SCEL: variants seen among roughly 807,000 people sequenced by gnomAD.
SCEL encodes the protein sciellin.
Under a neutral mutation model 117.6 loss-of-function variants are expected in SCEL, and 113 were observed. That is an observed-to-expected ratio of 0.96 (90% CI 0.83 to 1.12). The LOEUF is 1.12. Among genes scored for constraint, SCEL ranks in the 50% most tolerant of loss-of-function variants. SCEL has a pLI of 0.00. For synonymous variants in SCEL, 270 were observed against 256.2 expected (o/e 1.05, Z -0.51); for missense variants, 785 against 810.8 (o/e 0.97, Z 0.39).
rs2089169380 is a variant in SCEL, at chr13:77,617,853, ACAAT to A, written c.1565_1568del (p.Asn522ArgfsTer11). ...AAAGTAAATCCTGCAGTAATCAGAA[ACAAT>A]CAGAGGTATATATAGAAGCAGTCAA... On this transcript the variant is annotated frameshift_variant, in exon 26 of 33. Transcript: ENST00000349847. LOFTEE classifies it high-confidence loss of function. 1 of 1,610,530 alleles carries A rather than the reference ACAAT, an allele frequency of 6.2e-7. No homozygotes were observed. The highest frequency in any genetic ancestry group is 8.5e-7 in the Non-Finnish European group (1 of 1,177,446).
chr13:77,608,171 C>T, intron 20 of SCEL, 56 bp downstream of exon 20: 1 of 1,381,624 alleles, frequency 7.2e-7, no homozygotes. Context: ...TTGTGGCACT[C>T]AGGAAAGAAG....
intron 1 of SCEL, among the ~76,000 whole-genome samples, chr13:77,553,200 A>G (rs1035062978): frequency 1.3e-5 from 2 of 152,212 alleles, no homozygotes; most frequent in Non-Finnish European, 2.9e-5. Context: ...TCTCTCCCAG[A>G]TGCTGGGAAT....
intron 1 of SCEL, among the ~76,000 whole-genome samples, chr13:77,540,476 G>A (rs897534540): frequency 2.0e-5 from 3 of 152,220 alleles, no homozygotes; most frequent in Admixed American, 1.3e-4. Flanking sequence ...TCAGCCTGGG[G>A]AGGAAGGAGT....
intron 7 of SCEL, 49 bp downstream of exon 7, chr13:77,568,382 A>G: frequency 1.8e-6 from 2 of 1,141,248 alleles, no homozygotes; most frequent in Non-Finnish European, 2.6e-6. Context: ...GTATTCAAGA[A>G]AAACCAGGGA....
chr13:77,564,191 G>GTT (rs58228438), intron 5 of SCEL, among the ~76,000 whole-genome samples: 221 of 129,096 alleles, frequency 1.7e-3, no homozygotes, highest in East Asian at 5.8e-3. Flanking sequence ...TTCAATATAG[G>GTT]TTTTTTTTTT....
chr13:77,628,663 T>C (rs954845817), intron 28 of SCEL, among the ~76,000 whole-genome samples: 5 of 152,134 alleles, frequency 3.3e-5, no homozygotes, highest in African/African-American at 9.7e-5. Context: ...ACACAATAGG[T>C]TACCATTTTC....
chr13:77,560,021 C>T (rs1391141241), intron 4 of SCEL, among the ~76,000 whole-genome samples, 158 bp downstream of exon 4: 1 of 152,132 alleles, frequency 6.6e-6, no homozygotes, highest in African/African-American at 2.4e-5. Flanking sequence ...CAGAGGTTTC[C>T]ACAAGGAAAC....
chr13:77,541,586 T>C (rs899778582), intron 1 of SCEL, among the ~76,000 whole-genome samples: 4 of 152,188 alleles, frequency 2.6e-5, no homozygotes, highest in Admixed American at 2.6e-4. Flanking sequence ...AGATATTTTG[T>C]AGCTGCAAAA....
chr13:77,537,238 A>C (rs2083459620), intron 1 of SCEL, among the ~76,000 whole-genome samples: 2 of 152,254 alleles, frequency 1.3e-5, no homozygotes, highest in African/African-American at 4.8e-5. Context: ...ATTTCAACTG[A>C]AACGGAGCAT....
chr13:77,592,897 A>G (rs189871889), intron 11 of SCEL, among the ~76,000 whole-genome samples: 2 of 151,970 alleles, frequency 1.3e-5, no homozygotes, highest in African/African-American at 4.8e-5. Context: ...AATTTTCCTA[A>G]TTGTTCCTTT....
chr13:77,611,539 C>G (rs547226834), intron 22 of SCEL, among the ~76,000 whole-genome samples: 1 of 152,162 alleles, frequency 6.6e-6, no homozygotes, highest in African/African-American at 2.4e-5. Context: ...TTCCCTCTCC[C>G]GAGATGACTT....
At chr13:77,637,571 C>A (rs888119095) in intron 30 of SCEL, among the ~76,000 whole-genome samples, 14 of 152,096 alleles carry the variant, frequency 9.2e-5, no homozygotes, top group African/African-American at 2.9e-4. Flanking sequence ...TTGCTGCTGT[C>A]TGATTTTGAT....
intron 11 of SCEL, among the ~76,000 whole-genome samples, chr13:77,592,634 C>T (rs1267640754): frequency 6.7e-6 from 1 of 149,814 alleles, no homozygotes; most frequent in Non-Finnish European, 1.5e-5. Flanking sequence ...TTATAGCTCA[C>T]TGCAGCCTCA....
chr13:77,541,775 A>G (rs984999208), intron 1 of SCEL, among the ~76,000 whole-genome samples: 2 of 151,998 alleles, frequency 1.3e-5, no homozygotes, highest in African/African-American at 4.8e-5. Flanking sequence ...GTATTTCCAC[A>G]TATGTTCTAA....
rs556418420 is a variant in SCEL, at chr13:77,568,291, C to A, written c.360-4C>A. The A allele has an allele frequency of 6.4e-7, 1 of 1,555,992 alleles. No homozygotes were observed. The highest frequency in any genetic ancestry group is 1.7e-5 in the Admixed American group (1 of 58,094). Reference sequence around the variant, plus strand: ...CAAACTTTGCTTTCTTTCTCTCTTACCAGGAGCATGTCCATGTTTAGATCA... The same window carrying A: ...CAAACTTTGCTTTCTTTCTCTCTTAACAGGAGCATGTCCATGTTTAGATCA... On this transcript the variant is annotated splice_polypyrimidine_tract_variant and splice_region_variant and intron_variant, in intron 6 of 32. Coordinates refer to ENST00000349847, the MANE Select transcript of SCEL (RefSeq NM_144777.3).
At chr13:77,550,638 C>G (rs2084264440) in intron 1 of SCEL, among the ~76,000 whole-genome samples, 1 of 152,008 alleles carries the variant, frequency 6.6e-6, no homozygotes. Flanking sequence ...CCGTGTCTGG[C>G]TTCTTTCATT....
chr13:77,571,091 A>C (rs1269387467), intron 8 of SCEL, among the ~76,000 whole-genome samples: 1 of 150,804 alleles, frequency 6.6e-6, no homozygotes, highest in Non-Finnish European at 1.5e-5. Context: ...CAGCCTCCCA[A>C]AGTGCTGGGA....
chr13:77,595,045 A>G (rs2087138494), intron 12 of SCEL, among the ~76,000 whole-genome samples: 1 of 152,204 alleles, frequency 6.6e-6, no homozygotes, highest in African/African-American at 2.4e-5. Flanking sequence ...TAGGGATTAG[A>G]CAGTGGTTTG....
At chr13:77,571,833 A>C (rs2085651764) in intron 8 of SCEL, among the ~76,000 whole-genome samples, 2 of 152,056 alleles carry the variant, frequency 1.3e-5, no homozygotes. Context: ...TGAATTTACT[A>C]TCTAGACTTA....
Sources: gnomAD v4.1 joint callset for allele counts (sites outside exome capture counted in the v4.1 genomes callset) on GRCh38, gnomAD v4.1.1 for gene constraint, MANE v1.5 for transcripts, NCBI Gene and HGNC (gene_info 2026-07-23, HGNC 2026-07-21) for gene names.